The following GMPS variants were observed in gnomAD, a reference collection of about 807,000 sequenced individuals.
GMPS encodes the protein guanosine monophosphate synthase.
GMPS carries 15 observed loss-of-function variants against 77.9 expected under a neutral mutation model. The observed-to-expected ratio is 0.19, with a 90% CI of 0.13 to 0.30. The LOEUF is 0.30. GMPS is among the 10% of genes least tolerant of loss of function. GMPS has a pLI of 1.00. For synonymous variants in GMPS, 224 were observed against 275.9 expected, an observed-to-expected ratio of 0.81 and a Z score of 1.86; for missense variants, 590 against 838.8, an observed-to-expected ratio of 0.70 and a Z score of 3.66.
chr3:155,891,556 G>C (rs907715329), intron 1 of GMPS, among the ~76,000 whole-genome samples: 14 of 151,178 alleles, frequency 9.3e-5, no homozygotes, highest in African/African-American at 3.4e-4. Flanking sequence ...GCACCGGATT[G>C]GCTCCCTCTC....
At chr3:155,915,330 T>C (rs184986678) in intron 8 of GMPS, among the ~76,000 whole-genome samples, 6 of 150,662 alleles carry the variant, frequency 4.0e-5, no homozygotes, top group African/African-American at 1.2e-4. Context: ...TTTCACCTGC[T>C]GGGTTCAAGC....
At chr3:155,936,281 T>A (rs1055155951) in intron 14 of GMPS, 57 bp from the exon 15 acceptor site, 2 of 1,064,730 alleles carry the variant, frequency 1.9e-6, no homozygotes, top group African/African-American at 3.1e-5. Flanking sequence ...TTAATTGAAC[T>A]GAGTTAGAGT....
In GMPS at chr3:155,886,674, G is replaced by T. The variant is rs546744379; in HGVS notation, c.28-6844G>T. ...CTTGCTCTGTCACCCAGGCTGGAGTGCAGTGATGTGATCTCCACTCACTGG... is the reference window on the plus strand; with the variant it reads ...CTTGCTCTGTCACCCAGGCTGGAGTTCAGTGATGTGATCTCCACTCACTGG... On this transcript the variant is annotated intron_variant, in intron 1 of 15. Transcript: ENST00000496455. Among the ~76,000 whole-genome samples, 4 of 134,506 alleles carry T rather than the reference G, an allele frequency of 3.0e-5. No individual in the cohort carries two copies. The South Asian group carries it at 7.5e-4, about 25-fold the overall frequency. The allele number at this position is 134,506 out of a possible 152,430, so 88.2% of individuals were successfully genotyped here.
chr3:155,937,760 C>T lies in GMPS; in HGVS notation c.*68C>T. On this transcript the variant is annotated 3_prime_UTR_variant, in exon 16 of 16. Transcript: ENST00000496455. ...GATTAGAAATCATTCCCATTATTGA[C>T]ATGCAGTACTGTGAAAAGAGTTACT... The T allele has an allele frequency of 1.3e-6, 1 of 766,228 alleles. No homozygotes were observed. The highest frequency in any genetic ancestry group is 2.4e-5 in the East Asian group (1 of 40,862). The allele number at this position is 766,228 out of a possible 1,614,324, so 47.5% of individuals were successfully genotyped here. A position where few individuals can be genotyped will look rare whatever the true frequency, so the allele number is the denominator to read the frequency against.
intron 9 of GMPS, among the ~76,000 whole-genome samples, chr3:155,916,635 T>A (rs1047954143): frequency 3.9e-5 from 6 of 152,240 alleles, no homozygotes; most frequent in African/African-American, 1.4e-4. Flanking sequence ...TTCCATCTTA[T>A]GGGTATAATG....
intron 5 of GMPS, among the ~76,000 whole-genome samples, chr3:155,907,802 T>C (rs1214237270): frequency 1.3e-5 from 2 of 152,116 alleles, no homozygotes; most frequent in Non-Finnish European, 2.9e-5. Context: ...TAAGATGACA[T>C]TGGACATGAA....
intron 12 of GMPS, among the ~76,000 whole-genome samples, chr3:155,930,361 A>C (rs1483177048): frequency 3.7e-4 from 54 of 145,194 alleles, no homozygotes; most frequent in Non-Finnish European, 1.4e-4. Context: ...AAATCAATTC[A>C]AGATGGATTA....
Position 155,939,797 on chromosome 3 carries a change from T to C in GMPS, c.*2105T>C. 1 of 198,860 alleles carries C rather than the reference T, an allele frequency of 5.0e-6. No individual in the cohort carries two copies. Among genetic ancestry groups the C allele is most frequent in the Non-Finnish European group, 1.0e-5 (1 of 96,036 alleles). 12.3% of individuals were successfully genotyped at this position (198,860 alleles called of 1,614,324 possible). A position where few individuals can be genotyped will look rare whatever the true frequency, so the allele number is the denominator to read the frequency against. On this transcript the variant is annotated 3_prime_UTR_variant, in exon 16 of 16. Transcript: ENST00000496455. ...TCCTAATATTTAGCACACTGTCTTC[T>C]TTTGCACAGCACTTTTTGCTTTGTG...
In GMPS at chr3:155,914,495, A is replaced by G. The variant is rs575055579; in HGVS notation, c.963A>G (p.Lys321=). The G allele has an allele frequency of 1.9e-6, 3 of 1,606,188 alleles. No homozygotes were observed. The highest frequency in any genetic ancestry group is 2.2e-5 in the South Asian group (2 of 89,096). The part of the protein sequence containing the change: ...PISDEDRTPR[K]RISKTLNMTT... ...CAGATGAAGATAGAACCCCACGGAA[A>G]AGAATTAGCAAAACGTTAAATATGA... The change falls in exon 8 of 16, where the codon AAA becomes AAG. Residue 321 remains lysine, a synonymous_variant. Transcript: ENST00000496455.
chr3:155,915,905 T>A, intron 8 of GMPS, 114 bp from the exon 9 acceptor site: 1 of 677,266 alleles, frequency 1.5e-6, no homozygotes. Flanking sequence ...TTGGTGGATT[T>A]TATTTTCTGA....
At chr3:155,870,925 C>T in intron 1 of GMPS, 28 bp downstream of exon 1, 1 of 1,453,162 alleles carries the variant, frequency 6.9e-7, no homozygotes. Context: ...TGCAGCACCG[C>T]ATCCCGGCGG....
intron 13 of GMPS, 105 bp from the exon 14 acceptor site, chr3:155,934,811 A>G: frequency 1.4e-6 from 1 of 727,874 alleles, no homozygotes; most frequent in South Asian, 1.7e-5. Flanking sequence ...CTAAGTGGGA[A>G]ATGGAAAGAA....
intron 1 of GMPS, among the ~76,000 whole-genome samples, chr3:155,893,008 T>C (rs1004579992): frequency 6.6e-6 from 1 of 152,210 alleles, no homozygotes; most frequent in African/African-American, 2.4e-5. Context: ...ACAAAAAAAA[T>C]CCTAACAGTG....
intron 11 of GMPS, among the ~76,000 whole-genome samples, chr3:155,924,695 T>C (rs1254772760): frequency 6.6e-6 from 1 of 152,176 alleles, no homozygotes; most frequent in African/African-American, 2.4e-5. Context: ...TCAACTATAT[T>C]GATAACCTAT....
chr3:155,915,345 C>A (rs1192994953), intron 8 of GMPS, among the ~76,000 whole-genome samples: 1 of 150,104 alleles, frequency 6.7e-6, no homozygotes, highest in Non-Finnish European at 1.5e-5. Flanking sequence ...TCAAGCGATT[C>A]TCCTGCCTCA....
At chr3:155,873,635 G>GTTTTTTTTTTT (rs1340921688) in intron 1 of GMPS, among the ~76,000 whole-genome samples, 16 of 32,710 alleles carry the variant, frequency 4.9e-4, no homozygotes, top group East Asian at 1.9e-3. Context: ...ACATGAGTAA[G>GTTTTTTTTTTT]TTCTTTTTTT....
chr3:155,928,546 T>TA (rs1755514126), intron 12 of GMPS, among the ~76,000 whole-genome samples: 1 of 152,076 alleles, frequency 6.6e-6, no homozygotes, highest in African/African-American at 2.4e-5. Context: ...ACTTTTTTTT[T>TA]TTATTATACT....
chr3:155,924,485 G>A (rs1003596261), intron 11 of GMPS, among the ~76,000 whole-genome samples: 1 of 152,176 alleles, frequency 6.6e-6, no homozygotes, highest in Non-Finnish European at 1.5e-5. Context: ...AAGGACAGAA[G>A]ATTGATTATC....
At chr3:155,877,280 C>G (rs1381508425) in intron 1 of GMPS, among the ~76,000 whole-genome samples, 1 of 152,116 alleles carries the variant, frequency 6.6e-6, no homozygotes, top group Non-Finnish European at 1.5e-5. Flanking sequence ...TATTATTTGG[C>G]AAGCAAATTA....
Sources: allele counts gnomAD v4.1 joint callset (sites outside exome capture counted in the v4.1 genomes callset), GRCh38; gene constraint gnomAD v4.1.1; transcripts MANE v1.5; gene names NCBI Gene and HGNC (gene_info 2026-07-23, HGNC 2026-07-21).